Variants in PPP2R2B observed in about 807,000 individuals in gnomAD.
PPP2R2B encodes serine/threonine-protein phosphatase 2A 55 kDa regulatory subunit B beta isoform.
PPP2R2B carries 5 observed loss-of-function variants against 46.0 expected under a neutral mutation model. That is an observed-to-expected ratio of 0.11 (90% confidence interval 0.06 to 0.23). PPP2R2B has a LOEUF of 0.23. Among genes scored for constraint, PPP2R2B ranks in the 10% least tolerant of loss-of-function variants. The pLI is 1.00. For synonymous variants in PPP2R2B, 215 were observed against 206.7 expected, an observed-to-expected ratio of 1.04 and a Z score of -0.34; for missense variants, 367 against 575.0, an observed-to-expected ratio of 0.64 and a Z score of 3.70.
At chr5:146,639,713 A>G (rs1481573422) in intron 6 of PPP2R2B, among the ~76,000 whole-genome samples, 1 of 152,198 alleles carries the variant, frequency 6.6e-6, no homozygotes, top group East Asian at 1.9e-4. Context: ...GCATCATCAG[A>G]TAGTACTTTT....
intron 5 of PPP2R2B, among the ~76,000 whole-genome samples, chr5:146,670,137 A>T (rs1777252829): frequency 1.3e-5 from 2 of 152,248 alleles, no homozygotes; most frequent in South Asian, 4.1e-4. Context: ...ATTATTTTCC[A>T]TCATATCCTT....
rs149319225 is a variant in PPP2R2B at position 146,671,700 on chromosome 5, T to C, written c.447+19428A>G. ...GAGGCACAGCTGTAAAAGGAGACATTATACATCCCAGAGAGCACAAAACTA... is the reference window on the plus strand; with the variant it reads ...GAGGCACAGCTGTAAAAGGAGACATCATACATCCCAGAGAGCACAAAACTA... On this transcript the variant is annotated intron_variant, in intron 5 of 9. Coordinates refer to ENST00000394411, the MANE Select transcript of PPP2R2B (RefSeq NM_181675.4). Among the ~76,000 whole-genome samples, 113 of 152,330 alleles carry C rather than the reference T, an allele frequency of 7.4e-4. 1 individual carries two copies. The highest frequency in any genetic ancestry group is 1.4e-3 in the Non-Finnish European group (95 of 68,036).
chr5:146,633,651 AG>A (rs1774589524), intron 7 of PPP2R2B, among the ~76,000 whole-genome samples: 1 of 152,260 alleles, frequency 6.6e-6, no homozygotes, highest in Non-Finnish European at 1.5e-5. Context: ...GTGGGAGGAC[AG>A]GGCTGGGCAG....
intron 5 of PPP2R2B, among the ~76,000 whole-genome samples, chr5:146,673,495 T>C (rs1160452597): frequency 1.3e-5 from 2 of 151,664 alleles, no homozygotes; most frequent in African/African-American, 4.9e-5. Context: ...TTTTTTTTTA[T>C]TGCTACTAGA....
chr5:147,008,308 G>T (rs1213914409), intron 1 of PPP2R2B, among the ~76,000 whole-genome samples: 1 of 152,024 alleles, frequency 6.6e-6, no homozygotes. Context: ...TGAAGGGATA[G>T]GGGGAGGAAA....
At chr5:146,748,050 T>C (rs905981136) in intron 2 of PPP2R2B, among the ~76,000 whole-genome samples, 1 of 152,176 alleles carries the variant, frequency 6.6e-6, no homozygotes, top group African/African-American at 2.4e-5. Context: ...TCTACTGAGC[T>C]CTTGGCCAAA....
chr5:146,616,025 G>A (rs1275227393), intron 7 of PPP2R2B, among the ~76,000 whole-genome samples: 2 of 152,124 alleles, frequency 1.3e-5, no homozygotes, highest in African/African-American at 4.8e-5. Flanking sequence ...GCATGGTACT[G>A]GCATAAAAAC....
intron 1 of PPP2R2B, among the ~76,000 whole-genome samples, chr5:146,988,519 T>C (rs546558567): frequency 6.6e-6 from 1 of 151,928 alleles, no homozygotes; most frequent in South Asian, 2.1e-4. Flanking sequence ...GAAAAACTAA[T>C]GGGTCAATGA....
At chr5:146,953,093 G>A (rs182007347) in intron 1 of PPP2R2B, among the ~76,000 whole-genome samples, 46 of 152,226 alleles carry the variant, frequency 3.0e-4, no homozygotes, top group African/African-American at 1.0e-3. Context: ...TCAGTTACAT[G>A]CCCTCCTGCT....
intron 5 of PPP2R2B, among the ~76,000 whole-genome samples, chr5:146,688,773 G>A (rs1778658817): frequency 1.3e-5 from 2 of 152,052 alleles, no homozygotes; most frequent in South Asian, 2.1e-4. Flanking sequence ...AATCCCATAG[G>A]ATGCCATGGA....
intron 2 of PPP2R2B, among the ~76,000 whole-genome samples, chr5:146,874,714 G>T (rs1243396314): frequency 6.6e-5 from 10 of 152,122 alleles, no homozygotes. Flanking sequence ...CTATAATGGA[G>T]ATAGGGTTTT....
chr5:146,664,738 T>G (rs1776872081), intron 5 of PPP2R2B, among the ~76,000 whole-genome samples: 1 of 152,206 alleles, frequency 6.6e-6, no homozygotes, highest in Non-Finnish European at 1.5e-5. Context: ...TTCAGATCCA[T>G]CAGAGGAACT....
At chr5:146,784,276 TGAGAA>T (rs978612551) in intron 2 of PPP2R2B, among the ~76,000 whole-genome samples, 2 of 152,190 alleles carry the variant, frequency 1.3e-5, no homozygotes, top group Non-Finnish European at 2.9e-5. Context: ...ACTAAAAGTG[TGAGAA>T]GAGGACAGCC....
chr5:146,600,667 G>A (rs1771695592), intron 7 of PPP2R2B, among the ~76,000 whole-genome samples: 1 of 152,108 alleles, frequency 6.6e-6, no homozygotes, highest in Non-Finnish European at 1.5e-5. Context: ...TCTCATGGAA[G>A]GACTGGCATG....
intron 1 of PPP2R2B, among the ~76,000 whole-genome samples, chr5:146,969,642 G>A (rs963269440): frequency 1.1e-4 from 16 of 152,194 alleles, no homozygotes; most frequent in Admixed American, 5.9e-4. Context: ...CCACAGGGAT[G>A]GCAAAGAACA....
At chr5:146,670,476 A>ATTATTTATTTATTTATTTAT (rs58516893) in intron 5 of PPP2R2B, among the ~76,000 whole-genome samples, 2 of 144,184 alleles carry the variant, frequency 1.4e-5, no homozygotes, top group East Asian at 4.0e-4. Flanking sequence ...TATGTGTACT[A>ATTATTTATTTATTTATTTAT]TTATTTATTT....
intron 2 of PPP2R2B, among the ~76,000 whole-genome samples, chr5:146,726,052 T>G (rs1751842720): frequency 6.6e-6 from 1 of 152,174 alleles, no homozygotes; most frequent in Non-Finnish European, 1.5e-5. Flanking sequence ...CAGCTATTGG[T>G]TTTGATAGTC....
intron 2 of PPP2R2B, among the ~76,000 whole-genome samples, chr5:146,796,270 T>C (rs1189907111): frequency 6.6e-6 from 1 of 152,158 alleles, no homozygotes; most frequent in Non-Finnish European, 1.5e-5. Context: ...CGTCCAAGTG[T>C]ATACATATCT....
rs1245277777 is a variant in PPP2R2B at position 146,878,390 on chromosome 5, G to T, written c.-124-195C>A. On this transcript the variant is annotated intron_variant, in intron 1 of 9. Transcript: ENST00000394411. This position sits in a 1 kb window ranked among gnomAD's most constrained non-coding sequence, Gnocchi z 4.5. ...TGCCAAGATACGCCGTGCCCCGAGG[G>T]GTCTGGTCCCGCCCGCCCGCCCCGG... 9 of 1,427,106 alleles carry T rather than the reference G, an allele frequency of 6.3e-6. No individual in the cohort carries two copies. The South Asian group carries it at 1.2e-4, about 19-fold the overall frequency. The allele number at this position is 1,427,106 out of a possible 1,614,324, so 88.4% of individuals were successfully genotyped here.
Sources: allele counts gnomAD v4.1 joint callset (sites outside exome capture counted in the v4.1 genomes callset), GRCh38; gene constraint gnomAD v4.1.1; non-coding constraint Gnocchi (gnomAD v3.1); transcripts MANE v1.5; gene names NCBI Gene and HGNC (gene_info 2026-07-23, HGNC 2026-07-21).